LRP4: variants seen among roughly 807,000 people sequenced by gnomAD.
LRP4 encodes the protein low-density lipoprotein receptor-related protein 4.
LRP4 carries 95 observed loss-of-function variants against 220.3 expected under a neutral mutation model. The observed-to-expected ratio is 0.43, with a 90% CI of 0.37 to 0.51. The LOEUF is 0.51. Among genes scored for constraint, LRP4 ranks in the 20% least tolerant of loss-of-function variants. LRP4 has a pLI of 0.00. For synonymous variants in LRP4, 903 were observed against 954.6 expected (o/e 0.95, Z 1.00); for missense variants, 1,925 against 2,567.0 (o/e 0.75, Z 5.40).
chr11:46,878,934 G>A lies in LRP4; in HGVS notation c.3109C>T (p.Leu1037=). 6.2e-7 allele frequency: 1 copy of A among 1,614,236 alleles called. No homozygotes were observed. The highest frequency in any genetic ancestry group is 8.5e-7 in the Non-Finnish European group (1 of 1,180,050). ...GGTGAGCAGGTCTTGCCATCAGACAGCAGGTTGATGCCTGTGGGGCAGGTA... is the reference window on the plus strand; with the variant it reads ...GGTGAGCAGGTCTTGCCATCAGACAACAGGTTGATGCCTGTGGGGCAGGTA... The part of the protein sequence containing the change: ...SCTCPTGINL[L]SDGKTCSPGM... The change falls in exon 22 of 38, where the codon CTG becomes TTG. Residue 1037 remains leucine (L), a synonymous_variant. Coordinates refer to ENST00000378623, the MANE Select transcript of LRP4 (RefSeq NM_002334.4).
In LRP4 at chr11:46,871,516, A is replaced by T; in HGVS notation, c.4692+9T>A. On this transcript the variant is annotated intron_variant, in intron 31 of 37. Transcript: ENST00000378623. ...AGGAGGTTTAGTTACCTCTCTCCTG[A>T]GCCAGTACCTGTGTGAGGGCAAAGG... 6.3e-7 allele frequency: 1 copy of T among 1,591,450 alleles called. No homozygotes were observed. The highest frequency in any genetic ancestry group is 8.6e-7 in the Non-Finnish European group (1 of 1,160,966).
chr11:46,866,122 C>T (rs1194323510), intron 34 of LRP4, among the ~76,000 whole-genome samples: 2 of 149,630 alleles, frequency 1.3e-5, no homozygotes. Context: ...AATAAAGAGA[C>T]CAGTATGTTG....
chr11:46,898,773 C>A lies in LRP4; in HGVS notation c.677-96G>T. 1.9e-6 allele frequency: 3 copies of A among 1,605,576 alleles called. No homozygotes were observed. In the East Asian group the frequency reaches 6.7e-5, roughly 36 times the overall value. ...CCCCAGAATCCCAGTTCCTCCATCTCTTCCCAAGAGGGACCAGAAAATCCA... is the reference window on the plus strand; with the variant it reads ...CCCCAGAATCCCAGTTCCTCCATCTATTCCCAAGAGGGACCAGAAAATCCA... On this transcript the variant is annotated intron_variant, in intron 6 of 37. Coordinates refer to ENST00000378623, the MANE Select transcript of LRP4 (RefSeq NM_002334.4).
At chr11:46,894,400 T>C (rs541062633) in intron 12 of LRP4, among the ~76,000 whole-genome samples, 189 bp downstream of exon 12, 7 of 152,342 alleles carry the variant, frequency 4.6e-5, no homozygotes, top group African/African-American at 1.4e-4. Context: ...CATGAGCAAA[T>C]GTTATATTTG....
chr11:46,862,011 T>G (rs1237276137), intron 37 of LRP4, among the ~76,000 whole-genome samples: 4 of 133,086 alleles, frequency 3.0e-5, no homozygotes, highest in Non-Finnish European at 6.1e-5. Flanking sequence ...GAGGTTGCAG[T>G]GAGCTGAGAT....
In LRP4 at chr11:46,873,295, G is replaced by A; in HGVS notation, c.4449-61C>T. ...GGAAGACAGCACCCAGAGGTTGAGAGAACACAGAGGACCCACTAACACCAT... is the reference window on the plus strand; with the variant it reads ...GGAAGACAGCACCCAGAGGTTGAGAAAACACAGAGGACCCACTAACACCAT... On this transcript the variant is annotated intron_variant, in intron 29 of 37. Transcript: ENST00000378623. This position sits in a 1 kb window ranked among gnomAD's most constrained non-coding sequence, Gnocchi z 4.2. The A allele has an allele frequency of 6.2e-7, 1 of 1,612,684 alleles. No individual in the cohort carries two copies. Among genetic ancestry groups the A allele is most frequent in the Non-Finnish European group, 8.5e-7 (1 of 1,179,072 alleles).
chr11:46,889,885 C>T, intron 15 of LRP4, 59 bp downstream of exon 15: 1 of 1,580,758 alleles, frequency 6.3e-7, no homozygotes, highest in South Asian at 1.1e-5. Flanking sequence ...TTCTCAGAGG[C>T]ACCAGAGGCC....
chr11:46,896,846 T>C (rs1422933828), intron 8 of LRP4, 23 bp downstream of exon 8: 7 of 1,613,910 alleles, frequency 4.3e-6, no homozygotes, highest in Admixed American at 3.3e-5. Flanking sequence ...CTAAGGGTTC[T>C]GGGGCACCCC....
intron 1 of LRP4, among the ~76,000 whole-genome samples, chr11:46,906,198 A>G (rs950434399): frequency 6.6e-6 from 1 of 152,066 alleles, no homozygotes; most frequent in Non-Finnish European, 1.5e-5. Flanking sequence ...GCTCATGCCT[A>G]TAATCCTAGC....
At position 46,896,972 on chromosome 11, in the gene LRP4, T is replaced by A. The variant is rs1174698885; in HGVS notation, c.819A>T (p.Glu273Asp). ...RNCTTSMCTA[E>D]QFRCHSGRCV... Reference sequence around the variant, plus strand: ...AGCGGCCTGAGTGACAGCGGAACTGTTCTGCCGTACACATGGAGGTGGCTG... The same window carrying A: ...AGCGGCCTGAGTGACAGCGGAACTGATCTGCCGTACACATGGAGGTGGCTG... The change falls in exon 8 of 38, where the codon GAA becomes GAT. Residue 273 changes from glutamate to aspartate, a missense_variant. Around this residue, in one of 3 missense-constraint regions of LRP4, gnomAD observed 412 missense variants for 505.4 expected, o/e 0.82. Coordinates refer to ENST00000378623, the MANE Select transcript of LRP4 (RefSeq NM_002334.4). 6.2e-7 allele frequency: 1 copy of A among 1,614,086 alleles called. No individual in the cohort carries two copies. Among genetic ancestry groups the A allele is most frequent in the African/African-American group, 1.3e-5 (1 of 74,934 alleles).
rs747770573 is a variant in LRP4 at position 46,898,545 on chromosome 11, T to C, written c.796+13A>G. ...TTAGTTCAAGCCCAACCTAATTCCA[T>C]TTCCCCACTCACTGCAGTTGCGCTC... On this transcript the variant is annotated intron_variant, in intron 7 of 37. Coordinates refer to ENST00000378623, the MANE Select transcript of LRP4 (RefSeq NM_002334.4). 20 of 1,613,958 alleles carry C rather than the reference T, an allele frequency of 1.2e-5. No homozygotes were observed. Among genetic ancestry groups the C allele is most frequent in the South Asian group, 1.2e-4 (11 of 91,064 alleles).
chr11:46,873,348 T>A lies in LRP4; in HGVS notation c.4448+27A>T, dbSNP rs1180305897. 3.7e-6 allele frequency: 6 copies of A among 1,613,392 alleles called. No homozygotes were observed. In the Admixed American group the frequency reaches 1.0e-4, roughly 27 times the overall value. ...TTCCACCCAGCCCTTCTTCCCTGGA[T>A]CTCTCTTCTGCTGGCCATAAACTTA... On this transcript the variant is annotated intron_variant, in intron 29 of 37. Coordinates refer to ENST00000378623, the MANE Select transcript of LRP4 (RefSeq NM_002334.4). This position sits in a 1 kb window ranked among gnomAD's most constrained non-coding sequence, Gnocchi z 4.2.
chr11:46,891,442 C>CACACACACACACAG (rs1941421318), intron 13 of LRP4, among the ~76,000 whole-genome samples: 1 of 149,338 alleles, frequency 6.7e-6, no homozygotes, highest in Non-Finnish European at 1.5e-5. Flanking sequence ...CACACACACA[C>CACACACACACACAG]ACACACACAC....
intron 2 of LRP4, among the ~76,000 whole-genome samples, chr11:46,901,855 C>A (rs1174805280): frequency 6.6e-6 from 1 of 152,004 alleles, no homozygotes; most frequent in East Asian, 1.9e-4. Context: ...GCCTCAGCCT[C>A]CCAAGTAGCT....
At position 46,906,573 on chromosome 11, in the gene LRP4, C is replaced by T. The variant is rs551718892; in HGVS notation, c.53-3644G>A. Among the ~76,000 whole-genome samples, 13 of 152,178 alleles carry T rather than the reference C, an allele frequency of 8.5e-5. No homozygotes were observed. In the East Asian group the frequency reaches 2.1e-3, roughly 25 times the overall value. On this transcript the variant is annotated intron_variant, in intron 1 of 37. Transcript: ENST00000378623. ...GAGGCTGGGGTGTGCAGATGCAGGG[C>T]TGTGCAGATGCAGGGCTGTGGAGGC...
chr11:46,917,435 C>T (rs892113175), intron 1 of LRP4, among the ~76,000 whole-genome samples: 3 of 152,154 alleles, frequency 2.0e-5, no homozygotes, highest in Admixed American at 1.3e-4. Flanking sequence ...TAAGAGCCCG[C>T]GGAGAAGCAG....
In LRP4 at chr11:46,857,915, T is replaced by C. The variant is rs770119585; in HGVS notation, c.*1068A>G. 4 of 152,648 alleles carry C rather than the reference T, an allele frequency of 2.6e-5. No homozygotes were observed. The highest frequency in any genetic ancestry group is 5.9e-5 in the Non-Finnish European group (4 of 68,030). The allele number at this position is 152,648 out of a possible 1,614,324, so 9.5% of individuals were successfully genotyped here. A position where few individuals can be genotyped will look rare whatever the true frequency, so the allele number is the denominator to read the frequency against. ...GGAAGTTCAACAGGAAGTTTGACCC[T>C]CATGGATACTTCTCTTTAGGCCCTG... On this transcript the variant is annotated 3_prime_UTR_variant, in exon 38 of 38. Transcript: ENST00000378623.
chr11:46,871,485 C>T, intron 31 of LRP4, 40 bp downstream of exon 31: 1 of 1,350,638 alleles, frequency 7.4e-7, no homozygotes, highest in South Asian at 1.2e-5. Flanking sequence ...AGAAACATCC[C>T]AGTCAAGGAG....
chr11:46,904,503 G>A (rs369049383), intron 1 of LRP4, among the ~76,000 whole-genome samples: 1 of 108,228 alleles, frequency 9.2e-6, no homozygotes, highest in Non-Finnish European at 2.0e-5. Context: ...ATGGATGGAC[G>A]GACAGACGGA....
Sources: allele counts gnomAD v4.1 joint callset (sites outside exome capture counted in the v4.1 genomes callset), GRCh38; gene constraint gnomAD v4.1.1; regional missense constraint gnomAD v4.1.1; non-coding constraint Gnocchi (gnomAD v3.1); transcripts MANE v1.5; gene names NCBI Gene and HGNC (gene_info 2026-07-23, HGNC 2026-07-21).